The following TCFL5 variants were observed in gnomAD, a reference collection of about 807,000 sequenced individuals.
The protein encoded by TCFL5 is transcription factor like 5.
Under a neutral mutation model 44.3 loss-of-function variants are expected in TCFL5, and 9 were observed. That is an observed-to-expected ratio of 0.20 (90% CI 0.12 to 0.35). TCFL5 has a LOEUF of 0.35. Ranked by LOEUF, TCFL5 falls within the 10% of genes least tolerant of loss-of-function variation. TCFL5 has a pLI of 1.00. For synonymous variants in TCFL5, 319 were observed against 271.6 expected (o/e 1.17, Z -1.72); for missense variants, 603 against 613.4 (o/e 0.98, Z 0.18).
intron 5 of TCFL5, chr20:62,845,193 C>T: frequency 1.0e-6 from 1 of 953,988 alleles, no homozygotes; most frequent in Non-Finnish European, 1.3e-6. Flanking sequence ...ACGATCTCAG[C>T]TCACTGCAAC....
chr20:62,854,454 A>G (rs958285862), intron 4 of TCFL5, among the ~76,000 whole-genome samples: 2 of 152,160 alleles, frequency 1.3e-5, no homozygotes, highest in South Asian at 4.1e-4. Flanking sequence ...AAGTCTCTAG[A>G]TTAGGGATGG....
intron 5 of TCFL5, among the ~76,000 whole-genome samples, chr20:62,844,424 TC>T (rs1164737897): frequency 1.3e-5 from 2 of 151,912 alleles, no homozygotes; most frequent in Non-Finnish European, 2.9e-5. Context: ...AGTTGTGCTG[TC>T]TTTTTTTTGG....
chr20:62,852,822 A>G (rs988193364), intron 5 of TCFL5: 1 of 1,289,210 alleles, frequency 7.8e-7, no homozygotes, highest in Non-Finnish European at 1.0e-6. Flanking sequence ...CACCGAGTCC[A>G]CAAAGGTATA....
intron 3 of TCFL5, 42 bp downstream of exon 3, chr20:62,859,320 TCA>T (rs778694252): frequency 1.5e-5 from 24 of 1,584,626 alleles, no homozygotes; most frequent in Non-Finnish European, 1.9e-5. Flanking sequence ...GCCACAGGGC[TCA>T]GTCAGAAGAA....
chr20:62,843,365 C>G (rs1208878651), intron 5 of TCFL5, among the ~76,000 whole-genome samples: 1 of 151,650 alleles, frequency 6.6e-6, no homozygotes, highest in East Asian at 1.9e-4. Flanking sequence ...TTTAAACAGG[C>G]CTTTTCTTTC....
intron 4 of TCFL5, among the ~76,000 whole-genome samples, chr20:62,857,184 T>G (rs886416666): frequency 6.6e-6 from 1 of 152,196 alleles, no homozygotes; most frequent in African/African-American, 2.4e-5. Flanking sequence ...TGAGAGTGAC[T>G]GCATGCGGAG....
At chr20:62,855,305 G>A (rs1410183235) in intron 4 of TCFL5, among the ~76,000 whole-genome samples, 1 of 152,170 alleles carries the variant, frequency 6.6e-6, no homozygotes, top group Non-Finnish European at 1.5e-5. Flanking sequence ...GGGGCGACAG[G>A]TGTGCAACAC....
chr20:62,852,831 T>C (rs912865983), intron 5 of TCFL5: 4 of 1,288,442 alleles, frequency 3.1e-6, no homozygotes, highest in Admixed American at 2.3e-5. Context: ...CACAAAGGTA[T>C]AGTCAACCAG....
intron 4 of TCFL5, among the ~76,000 whole-genome samples, chr20:62,856,969 C>A (rs928947158): frequency 3.3e-5 from 5 of 152,186 alleles, no homozygotes; most frequent in African/African-American, 1.2e-4. Context: ...GCAGTGCCTA[C>A]GTGACACGCC....
At position 62,842,379 on chromosome 20, in the gene TCFL5, T is replaced by C. The variant is rs760345521; in HGVS notation, c.1381-282A>G. The stretch of plus-strand genomic sequence containing the variant: ...CTGTATTGATTTTATTGTGGTAAAA[T>C]ATACATGACATGAACGTTTCAACCG... On this transcript the variant is annotated intron_variant, in intron 5 of 5. Transcript: ENST00000335351. This position sits in a 1 kb window ranked among gnomAD's most constrained non-coding sequence, Gnocchi z 4.3. Among the ~76,000 whole-genome samples the C allele has an allele frequency of 7.2e-5, 11 of 152,170 alleles. No homozygotes were observed. Among genetic ancestry groups the C allele is most frequent in the Non-Finnish European group, 1.3e-4 (9 of 68,036 alleles).
rs1180270684 is a variant in TCFL5, at chr20:62,842,494, G to T, written c.1381-397C>A. Among the ~76,000 whole-genome samples the T allele has an allele frequency of 2.0e-5, 3 of 152,354 alleles. No homozygotes were observed. Among genetic ancestry groups the T allele is most frequent in the Non-Finnish European group, 4.4e-5 (3 of 68,030 alleles). ...AAAACGTTTCAGGCCGGGCGTGGCG[G>T]CTCACGCCTATAATCCCAGCACTTT... On this transcript the variant is annotated intron_variant, in intron 5 of 5. Transcript: ENST00000335351. This position sits in a 1 kb window ranked among gnomAD's most constrained non-coding sequence, Gnocchi z 4.3.
At chr20:62,854,550 T>C (rs940886088) in intron 4 of TCFL5, among the ~76,000 whole-genome samples, 26 of 152,218 alleles carry the variant, frequency 1.7e-4, no homozygotes, top group African/African-American at 6.3e-4. Context: ...ATTGGGCAGA[T>C]AACTCTGTCA....
rs903424670 is a variant in TCFL5, at chr20:62,861,106, C to T, written c.565G>A (p.Asp189Asn). ...TCGGCGGGGATGCTGTTGAAGCGGT[C>T]CTCCAGGCGGACGCGCACGGCCGGC... is the stretch of plus-strand genomic sequence containing the variant. ...AKPAVRVRLEDRFNSIPAEPP... is the reference protein window; with the variant it reads ...AKPAVRVRLENRFNSIPAEPP... Residue 189 changes from aspartate to asparagine, a missense_variant, in exon 1 of 6, where the codon GAC becomes AAC. Asp to Asn is a conservative substitution (Grantham distance 23). Around this residue, in one of 4 missense-constraint regions of TCFL5, gnomAD observed 540 missense variants for 478.7 expected, o/e 1.13. Transcript: ENST00000335351. The surrounding 1 kb of genome is among the most constrained non-coding windows in gnomAD (Gnocchi z 4.0). 2.1e-3 allele frequency: 2,102 copies of T among 998,286 alleles called. 3 individuals are homozygous for T. Among genetic ancestry groups the T allele is most frequent in the Non-Finnish European group, 2.4e-3 (2,043 of 840,456 alleles). The allele number at this position is 998,286 out of a possible 1,614,324, so 61.8% of individuals were successfully genotyped here.
intron 5 of TCFL5, among the ~76,000 whole-genome samples, chr20:62,848,686 C>A (rs571765310): frequency 6.6e-6 from 1 of 152,080 alleles, no homozygotes; most frequent in East Asian, 2.0e-4. Flanking sequence ...TGCAGTCAGC[C>A]GGGATCACGC....
chr20:62,845,790 G>A (rs1410862423), intron 5 of TCFL5: 47 of 1,605,208 alleles, frequency 2.9e-5, no homozygotes, highest in Non-Finnish European at 3.7e-5. Context: ...GGAGAATGGG[G>A]AAGGTGTGGC....
At chr20:62,845,641 C>T (rs1274583794) in intron 5 of TCFL5, 2 of 1,603,858 alleles carry the variant, frequency 1.2e-6, no homozygotes, top group Non-Finnish European at 1.7e-6. Flanking sequence ...GGGGCGTCAC[C>T]CCTTCAGCAA....
intron 5 of TCFL5, chr20:62,845,620 C>T: frequency 1.3e-6 from 2 of 1,594,044 alleles, no homozygotes; most frequent in Non-Finnish European, 1.7e-6. Context: ...CGGAGCTGGT[C>T]TCGGACTGCT....
At chr20:62,854,235 A>G in intron 4 of TCFL5, 78 bp from the exon 5 acceptor site, 1 of 1,546,488 alleles carries the variant, frequency 6.5e-7, no homozygotes, top group Non-Finnish European at 8.7e-7. Flanking sequence ...CTCCTGTAGT[A>G]CTTGAGGGAA....
Position 62,854,133 on chromosome 20 carries a change from A to T in TCFL5, c.1263T>A (p.Asp421Glu). The change falls in exon 5 of 6, where the codon GAT becomes GAA. Residue 421 changes from aspartate (D) to glutamate (E), a missense_variant. By Grantham distance (45) the Asp-to-Glu change is conservative (BLOSUM62 2). This residue lies in a region of TCFL5 where 21 missense variants were observed against 54.0 expected (regional missense o/e 0.39). Transcript: ENST00000335351. The stretch of plus-strand genomic sequence containing the variant: ...AGAACGGCACTAAGAGATTCAACTC[A>T]TCACAGCAAATGCGGATTCTGCGCC... ...DRRRRIRICC[D>E]ELNLLVPFCN... 6.2e-7 allele frequency: 1 copy of T among 1,614,166 alleles called. No individual in the cohort carries two copies. Among genetic ancestry groups the T allele is most frequent in the South Asian group, 1.1e-5 (1 of 91,082 alleles).
Sources: allele counts gnomAD v4.1 joint callset (sites outside exome capture counted in the v4.1 genomes callset), GRCh38; gene constraint gnomAD v4.1.1; regional missense constraint gnomAD v4.1.1; non-coding constraint Gnocchi (gnomAD v3.1); transcripts MANE v1.5; gene names NCBI Gene and HGNC (gene_info 2026-07-23, HGNC 2026-07-21).